The following DMD variants were observed in gnomAD, a reference collection of about 807,000 sequenced individuals.
DMD encodes mutant dystrophin.
Under a neutral mutation model 330.1 loss-of-function variants are expected in DMD, and 63 were observed. That is an observed-to-expected ratio of 0.19 (90% CI 0.16 to 0.24). DMD has a LOEUF of 0.24. Ranked by LOEUF, DMD falls within the 10% of genes least tolerant of loss-of-function variation. The pLI is 1.00. For synonymous variants in DMD, 1,223 were observed against 959.8 expected (o/e 1.27, Z -5.07); for missense variants, 3,344 against 2,684.1 (o/e 1.25, Z -5.43).
intron 55 of DMD, among the ~76,000 whole-genome samples, chrX:31,587,702 G>A (rs1221000953): frequency 9.0e-6 from 1 of 111,129 alleles, no homozygotes; most frequent in Non-Finnish European, 1.9e-5. Context: ...ATTCTCAATG[G>A]TCAGCGAGGC....
At chrX:31,218,789 T>C (rs12855949) in intron 64 of DMD, among the ~76,000 whole-genome samples, 25,195 of 110,749 alleles carry the variant, frequency 0.23, 2,451 homozygotes, top group African/African-American at 0.36. Context: ...ATCTTATTGC[T>C]AGCCTCTGCA....
chrX:32,693,663 C>T (rs1411650968), intron 9 of DMD, among the ~76,000 whole-genome samples: 2 of 112,058 alleles, frequency 1.8e-5, no homozygotes, highest in Non-Finnish European at 3.8e-5. Context: ...TGGTCTCAAA[C>T]TCCTAGCCTC....
chrX:32,485,945 G>A (rs1308487430), intron 20 of DMD, among the ~76,000 whole-genome samples: 4 of 108,882 alleles, frequency 3.7e-5, no homozygotes, highest in African/African-American at 1.3e-4. Context: ...GAGTTTCACT[G>A]TTGGCCAGGC....
At chrX:31,192,684 T>C (rs12841795) in intron 67 of DMD, among the ~76,000 whole-genome samples, 1,624 of 112,087 alleles carry the variant, frequency 0.014, 21 homozygotes, top group South Asian at 0.027. Flanking sequence ...TTTAACTTTA[T>C]GTTACAGATA....
At chrX:32,820,303 G>A (rs553985387) in intron 5 of DMD, among the ~76,000 whole-genome samples, 1 of 111,016 alleles carries the variant, frequency 9.0e-6, no homozygotes, top group African/African-American at 3.3e-5. Flanking sequence ...TTAGCCGGGC[G>A]TGGTGGCGGG....
At chrX:32,355,269 A>C (rs1382583474) in intron 37 of DMD, among the ~76,000 whole-genome samples, 3 of 111,244 alleles carry the variant, frequency 2.7e-5, no homozygotes, top group African/African-American at 9.8e-5. Flanking sequence ...GAGTCAGTGT[A>C]TTGAAGTGGA....
At chrX:32,663,006 C>A (rs958769480) in intron 9 of DMD, among the ~76,000 whole-genome samples, 1 of 111,818 alleles carries the variant, frequency 8.9e-6, no homozygotes, top group Admixed American at 9.5e-5. Flanking sequence ...CCATCTTTAG[C>A]GATATCACCT....
At chrX:32,412,112 A>G in intron 29 of DMD, 199 bp from the exon 30 acceptor site, 5 of 1,161,436 alleles carry the variant, frequency 4.3e-6, no homozygotes, top group Non-Finnish European at 5.8e-6. Flanking sequence ...AGCAAACAAA[A>G]CTATAGGATC....
intron 49 of DMD, 49 bp downstream of exon 49, chrX:31,836,669 G>A (rs1263249038): frequency 7.0e-6 from 7 of 998,986 alleles, no homozygotes; most frequent in Non-Finnish European, 1.0e-5. Flanking sequence ...AACAGGGGAA[G>A]CATAACCCAT....
At chrX:32,052,284 T>C (rs2096122321) in intron 44 of DMD, among the ~76,000 whole-genome samples, 1 of 110,538 alleles carries the variant, frequency 9.0e-6, no homozygotes, top group Non-Finnish European at 1.9e-5. Context: ...TTACTTAGTT[T>C]CCACTCCCAG....
At chrX:31,918,343 G>A (rs1276928119) in intron 47 of DMD, among the ~76,000 whole-genome samples, 2 of 111,648 alleles carry the variant, frequency 1.8e-5, no homozygotes, top group Non-Finnish European at 3.8e-5. Flanking sequence ...ATGAGTTAGT[G>A]AGTGTTGAAC....
chrX:32,459,347 T>A (rs190328683), intron 25 of DMD, among the ~76,000 whole-genome samples: 1 of 111,177 alleles, frequency 9.0e-6, no homozygotes, highest in African/African-American at 3.3e-5. Flanking sequence ...CAAAGTGGTT[T>A]AAACAAAAAT....
chrX:32,875,876 T>A (rs1400786285), intron 2 of DMD, among the ~76,000 whole-genome samples: 1 of 111,991 alleles, frequency 8.9e-6, no homozygotes, highest in Non-Finnish European at 1.9e-5. Flanking sequence ...TCTCCAAGAC[T>A]TGGTTTTGGG....
chrX:32,736,376 G>C (rs907031966), intron 7 of DMD, among the ~76,000 whole-genome samples: 1 of 111,361 alleles, frequency 9.0e-6, no homozygotes, highest in African/African-American at 3.3e-5. Context: ...CAGGGATCTA[G>C]AACTAGAAAT....
intron 64 of DMD, among the ~76,000 whole-genome samples, chrX:31,222,392 C>CAAAAAAAAAAAAAA (rs57227723): frequency 1.5e-4 from 3 of 20,619 alleles, no homozygotes; most frequent in Non-Finnish European, 2.6e-4. Flanking sequence ...GACTCCATCT[C>CAAAAAAAAAAAAAA]AAAAAAAAAA....
intron 30 of DMD, among the ~76,000 whole-genome samples, chrX:32,407,503 GA>G (rs2098122888): frequency 9.0e-6 from 1 of 111,092 alleles, no homozygotes; most frequent in African/African-American, 3.3e-5. Context: ...GGAGAAATAG[GA>G]ACACTTTTAC....
chrX:32,148,889 C>T (rs901021573), intron 44 of DMD, among the ~76,000 whole-genome samples: 1 of 111,685 alleles, frequency 9.0e-6, no homozygotes, highest in Non-Finnish European at 1.9e-5. Flanking sequence ...TAAATTGCAG[C>T]AATTTTACCA....
intron 21 of DMD, among the ~76,000 whole-genome samples, chrX:32,482,061 A>G (rs2041955088): frequency 8.9e-6 from 1 of 112,001 alleles, no homozygotes; most frequent in Non-Finnish European, 1.9e-5. Context: ...AAACCAAACC[A>G]ATAAAATCCC....
chrX:32,342,642 G>C, intron 40 of DMD: 1 of 267,464 alleles, frequency 3.7e-6, no homozygotes, highest in Non-Finnish European at 6.6e-6. Flanking sequence ...AAGTGAATAA[G>C]TTATTTATTT....
Sources: gnomAD v4.1 joint callset for allele counts (sites outside exome capture counted in the v4.1 genomes callset) on GRCh38, gnomAD v4.1.1 for gene constraint, MANE v1.5 for transcripts, NCBI Gene and HGNC (gene_info 2026-07-23, HGNC 2026-07-21) for gene names.